MARCHF7: variants seen among roughly 807,000 people sequenced by gnomAD.
MARCHF7 encodes E3 ubiquitin-protein ligase MARCHF7.
In MARCHF7, 20 loss-of-function variants were observed where a neutral mutation model predicts 76.5. The observed-to-expected ratio is 0.26, with a 90% CI of 0.18 to 0.38. The LOEUF is 0.38. MARCHF7 is among the 10% of genes least tolerant of loss of function. The probability of loss-of-function intolerance (pLI) is 1.00; values close to 1 mark genes in which losing one functional copy is unlikely to be tolerated. For missense variants in MARCHF7, 797 were observed against 812.9 expected (o/e 0.98, Z 0.24); for synonymous variants, 295 against 293.0 (o/e 1.01, Z -0.07).
At chr2:159,747,731 C>A in intron 6 of MARCHF7, 74 bp from the exon 7 acceptor site, 1 of 1,406,698 alleles carries the variant, frequency 7.1e-7, no homozygotes. Flanking sequence ...TTCGTTTTGG[C>A]ATTCAACATA....
At chr2:159,733,236 A>G in intron 4 of MARCHF7, 2 of 869,864 alleles carry the variant, frequency 2.3e-6, no homozygotes, top group Non-Finnish European at 1.4e-6. Flanking sequence ...CAAAGGGAGC[A>G]TTTTAAAATT....
chr2:159,729,822 T>A (rs1361263176), intron 4 of MARCHF7, among the ~76,000 whole-genome samples: 3 of 152,264 alleles, frequency 2.0e-5, no homozygotes, highest in African/African-American at 7.2e-5. Flanking sequence ...CACTGATTCA[T>A]CTGACTTTTC....
At chr2:159,762,782 T>A in intron 9 of MARCHF7, 98 bp from the exon 10 acceptor site, 1 of 539,094 alleles carries the variant, frequency 1.9e-6, no homozygotes, top group Non-Finnish European at 3.2e-6. Context: ...TGAATACATT[T>A]CCTCTAGTTT....
intron 4 of MARCHF7, among the ~76,000 whole-genome samples, chr2:159,738,330 G>C (rs189378364): frequency 1.3e-5 from 2 of 152,182 alleles, no homozygotes; most frequent in East Asian, 3.9e-4. Context: ...AAGGGTCAGA[G>C]CTCTTCCGTC....
chr2:159,745,749 A>C, intron 5 of MARCHF7, 21 bp from the exon 6 acceptor site: 1 of 1,565,866 alleles, frequency 6.4e-7, no homozygotes, highest in South Asian at 1.2e-5. Context: ...TCTGAAATAA[A>C]ACTTCTTCAT....
intron 3 of MARCHF7, among the ~76,000 whole-genome samples, chr2:159,726,224 GTTTTGTTTTGTTTTGTTTTGTTTT>G (rs1702150375): frequency 1.3e-5 from 1 of 74,842 alleles, no homozygotes; most frequent in African/African-American, 9.4e-5. Flanking sequence ...TACAGGTTTT[GTTTTGTTTTGTTTTGTTTTGTTTT>G]GTTTTGTTTT....
Position 159,729,179 on chromosome 2 carries a change from A to G in MARCHF7, c.153+4A>G. The stretch of plus-strand genomic sequence containing the variant: ...TAGATTGGATTCTGAATATCAGGTA[A>G]CATTTTTATTTGGAATATATGTATA... On this transcript the variant is annotated splice_donor_region_variant and intron_variant, in intron 4 of 11. Transcript: ENST00000409175. 1.9e-6 allele frequency: 3 copies of G among 1,586,142 alleles called. No individual in the cohort carries two copies. The highest frequency in any genetic ancestry group is 2.6e-6 in the Non-Finnish European group (3 of 1,169,038).
chr2:159,752,773 AAACT>A (rs2125641490), intron 8 of MARCHF7, among the ~76,000 whole-genome samples: 1 of 152,300 alleles, frequency 6.6e-6, no homozygotes, highest in African/African-American at 2.4e-5. Context: ...ATTTCCTACC[AAACT>A]GTTTACTACT....
intron 8 of MARCHF7, among the ~76,000 whole-genome samples, chr2:159,755,860 T>C (rs1706229490): frequency 6.6e-6 from 1 of 152,206 alleles, no homozygotes; most frequent in Admixed American, 6.5e-5. Context: ...ATTATGAGGA[T>C]ACTGGGAAAA....
chr2:159,731,440 A>G (rs1702773665), intron 4 of MARCHF7, among the ~76,000 whole-genome samples: 2 of 152,174 alleles, frequency 1.3e-5, no homozygotes. Flanking sequence ...CTAACTTGTT[A>G]ATGTTGTAGA....
At chr2:159,722,541 T>G (rs1701749340) in intron 3 of MARCHF7, among the ~76,000 whole-genome samples, 1 of 152,226 alleles carries the variant, frequency 6.6e-6, no homozygotes, top group Non-Finnish European at 1.5e-5. Context: ...CTCAGAACGT[T>G]TAGTGTTGTC....
rs777622938 is a variant in MARCHF7, at chr2:159,748,666, C to T, written c.1376C>T (p.Thr459Ile). The T allele has an allele frequency of 5.6e-6, 9 of 1,614,200 alleles. No individual in the cohort carries two copies. Among genetic ancestry groups the T allele is most frequent in the Non-Finnish European group, 7.6e-6 (9 of 1,180,020 alleles). ...TCTGCAGCATCAAGCAGTGCCACAACAGGTGGCTCTACATCAGATTCGGCT... is the reference window on the plus strand; with the variant it reads ...TCTGCAGCATCAAGCAGTGCCACAATAGGTGGCTCTACATCAGATTCGGCT... ...QASAASSSATTGGSTSDSAQG... is the reference protein window; with the variant it reads ...QASAASSSATIGGSTSDSAQG... Residue 459 changes from threonine (T) to isoleucine (I), a missense_variant, in exon 7 of 12, where the codon ACA becomes ATA. Coordinates refer to ENST00000409175, the MANE Select transcript of MARCHF7 (RefSeq NM_001282805.2).
chr2:159,760,708 C>CTTTTTTTTTTT (rs34933843), intron 9 of MARCHF7, among the ~76,000 whole-genome samples: 1 of 147,410 alleles, frequency 6.8e-6, no homozygotes, highest in African/African-American at 2.5e-5. Context: ...CAGTTTTTTC[C>CTTTTTTTTTTT]TTTTTTGTTT....
intron 4 of MARCHF7, among the ~76,000 whole-genome samples, chr2:159,730,947 T>G (rs1224951197): frequency 6.6e-6 from 1 of 152,060 alleles, no homozygotes; most frequent in Non-Finnish European, 1.5e-5. Context: ...CTGGAGTGAG[T>G]GGTGCAATCA....
rs1705081229 is a variant in MARCHF7, at chr2:159,747,750, A to G, written c.515-55A>G. On this transcript the variant is annotated intron_variant, in intron 6 of 11. Coordinates refer to ENST00000409175, the MANE Select transcript of MARCHF7 (RefSeq NM_001282805.2). ...TTTTGGCATTCAACATAATAAATGC[A>G]AATAATAATGCTCAAATTATTTCAT... is the stretch of plus-strand genomic sequence containing the variant. The G allele has an allele frequency of 2.0e-6, 3 of 1,500,878 alleles. No individual in the cohort carries two copies. The African/African-American group carries it at 4.2e-5, about 21-fold the overall frequency. The allele number at this position is 1,500,878 out of a possible 1,614,324, so 93.0% of individuals were successfully genotyped here. A position where few individuals can be genotyped will look rare whatever the true frequency, so the allele number is the denominator to read the frequency against.
Position 159,739,269 on chromosome 2 carries a change from C to T in MARCHF7, c.154-3792C>T, listed in dbSNP as rs561004867. On this transcript the variant is annotated intron_variant, in intron 4 of 11. Coordinates refer to ENST00000409175, the MANE Select transcript of MARCHF7 (RefSeq NM_001282805.2). ...TCTGTGGAGCGCACAGACCCTGCCA[C>T]GCCTCCCCTGCTGCAGCCGGCGTCT... 1.6e-4 allele frequency among the ~76,000 whole-genome samples: 24 copies of T among 152,360 alleles called. 1 individual carries two copies. In the South Asian group the frequency reaches 1.9e-3, roughly 12 times the overall value.
chr2:159,731,492 C>A (rs571509653), intron 4 of MARCHF7, among the ~76,000 whole-genome samples: 1 of 152,108 alleles, frequency 6.6e-6, no homozygotes. Flanking sequence ...TGGTGGCTCA[C>A]GCCTGTAGTC....
At chr2:159,727,115 A>G (rs186567402) in intron 3 of MARCHF7, among the ~76,000 whole-genome samples, 6 of 152,370 alleles carry the variant, frequency 3.9e-5, no homozygotes, top group East Asian at 1.9e-4. Context: ...ATACAATACA[A>G]TAATATTCAG....
chr2:159,734,114 A>T (rs1404948300), intron 4 of MARCHF7: 1 of 1,263,520 alleles, frequency 7.9e-7, no homozygotes. Flanking sequence ...TTAAAGGAAA[A>T]TTTAATTTCT....
Sources: gnomAD v4.1 joint callset for allele counts (sites outside exome capture counted in the v4.1 genomes callset) on GRCh38, gnomAD v4.1.1 for gene constraint, MANE v1.5 for transcripts, NCBI Gene and HGNC (gene_info 2026-07-23, HGNC 2026-07-21) for gene names.